The following UTRN variants were observed in gnomAD, a reference collection of about 807,000 sequenced individuals.
UTRN encodes the protein utrophin, also known as dystrophin-related protein 1.
In UTRN, 283 loss-of-function variants were observed where a neutral mutation model predicts 463.9. That is an observed-to-expected ratio of 0.61 (90% CI 0.55 to 0.67). The LOEUF is 0.67. Ranked by LOEUF, UTRN falls within the 30% of genes least tolerant of loss-of-function variation. The pLI is 0.00. For synonymous variants in UTRN, 1,442 were observed against 1,431.5 expected (o/e 1.01, Z -0.17); for missense variants, 3,922 against 4,084.3 (o/e 0.96, Z 1.08).
At chr6:144,502,235 C>T (rs1188329753) in intron 34 of UTRN, among the ~76,000 whole-genome samples, 1 of 150,664 alleles carries the variant, frequency 6.6e-6, no homozygotes, top group Admixed American at 6.6e-5. Flanking sequence ...TAATTATTCA[C>T]TTTTTTTTTC....
At chr6:144,657,145 G>T (rs1446184889) in intron 51 of UTRN, among the ~76,000 whole-genome samples, 1 of 151,894 alleles carries the variant, frequency 6.6e-6, no homozygotes, top group Non-Finnish European at 1.5e-5. Context: ...AGCTACTCGG[G>T]AGGCTGAGGC....
At chr6:144,651,128 A>G (rs1778779782) in intron 51 of UTRN, among the ~76,000 whole-genome samples, 2 of 151,884 alleles carry the variant, frequency 1.3e-5, no homozygotes, top group African/African-American at 4.8e-5. Context: ...TTGCTGTTAA[A>G]CCAACCGAAA....
At chr6:144,582,173 A>G (rs1317772884) in intron 51 of UTRN, among the ~76,000 whole-genome samples, 3 of 152,220 alleles carry the variant, frequency 2.0e-5, no homozygotes. Context: ...TGTAACATGA[A>G]GGACTAAGAA....
intron 64 of UTRN, chr6:144,799,460 G>C (rs1777527847): frequency 2.1e-6 from 1 of 471,522 alleles, no homozygotes. Context: ...ACAAATGTTG[G>C]AAGAAGAAGA....
chr6:144,353,663 A>G (rs1778307961), intron 2 of UTRN, among the ~76,000 whole-genome samples: 1 of 152,164 alleles, frequency 6.6e-6, no homozygotes, highest in African/African-American at 2.4e-5. Flanking sequence ...CCTGGCCAAC[A>G]TGGCAAAACC....
chr6:144,509,774 TA>T (rs1795022501), intron 34 of UTRN, among the ~76,000 whole-genome samples: 1 of 152,166 alleles, frequency 6.6e-6, no homozygotes, highest in African/African-American at 2.4e-5. Context: ...AACTTAAATA[TA>T]ACTATTTTCA....
intron 69 of UTRN, among the ~76,000 whole-genome samples, chr6:144,833,099 C>T (rs540704727): frequency 5.5e-4 from 84 of 152,304 alleles, no homozygotes; most frequent in African/African-American, 1.8e-3. Flanking sequence ...GGATTACAGG[C>T]GTGAGCCACC....
rs1352156746 is a variant in UTRN, at chr6:144,426,468, TTACTC to T, written c.578+12_578+16del. On this transcript the variant is annotated intron_variant, in intron 7 of 74. Transcript: ENST00000367545. ...GTCCTCCACCGACATAAGTGAGACA[TTACTC>T]TATCTAGAAGTGGGCTTTACAAATT... 29 of 1,612,152 alleles carry T rather than the reference TTACTC, an allele frequency of 1.8e-5. No homozygotes were observed. The highest frequency in any genetic ancestry group is 2.4e-5 in the Non-Finnish European group (28 of 1,179,140).
At chr6:144,699,486 T>TTG (rs1784365323) in intron 52 of UTRN, among the ~76,000 whole-genome samples, 2 of 136,498 alleles carry the variant, frequency 1.5e-5, no homozygotes, top group South Asian at 4.5e-4. Flanking sequence ...TTTTTTTTTT[T>TTG]TTTTTTTTTT....
intron 23 of UTRN, among the ~76,000 whole-genome samples, chr6:144,463,513 C>T (rs747711615): frequency 6.6e-6 from 1 of 152,014 alleles, no homozygotes; most frequent in African/African-American, 2.4e-5. Context: ...GCAGAGTTTC[C>T]AGGTCACCTG....
chr6:144,546,530 G>A (rs1798420250), intron 46 of UTRN, among the ~76,000 whole-genome samples: 1 of 152,152 alleles, frequency 6.6e-6, no homozygotes, highest in African/African-American at 2.4e-5. Flanking sequence ...GCTGGGCACA[G>A]TGAATCATGT....
chr6:144,610,094 A>G (rs1447505146), intron 51 of UTRN, among the ~76,000 whole-genome samples: 56 of 151,930 alleles, frequency 3.7e-4, no homozygotes, highest in Admixed American at 3.7e-3. Context: ...GCCAAAATAA[A>G]TGGAATACAG....
At chr6:144,425,723 G>T (rs1562379487) in intron 6 of UTRN, among the ~76,000 whole-genome samples, 1 of 152,034 alleles carries the variant, frequency 6.6e-6, no homozygotes, top group Non-Finnish European at 1.5e-5. Flanking sequence ...AGTCATCCTA[G>T]ATTTGGCCAG....
At chr6:144,623,384 AT>A in intron 51 of UTRN, among the ~76,000 whole-genome samples, 1 of 152,330 alleles carries the variant, frequency 6.6e-6, no homozygotes, top group South Asian at 2.1e-4. Context: ...AAAGTGTTTT[AT>A]TTGCAAATGA....
chr6:144,614,014 A>C (rs1191551480), intron 51 of UTRN, among the ~76,000 whole-genome samples: 2 of 152,108 alleles, frequency 1.3e-5, no homozygotes, highest in African/African-American at 2.4e-5. Context: ...GACTGTGGGA[A>C]AGAATGATTC....
intron 2 of UTRN, among the ~76,000 whole-genome samples, chr6:144,304,740 A>G (rs1805558911): frequency 6.6e-6 from 1 of 152,186 alleles, no homozygotes; most frequent in African/African-American, 2.4e-5. Context: ...GTTATAAGCC[A>G]TCTTTAGGAG....
At chr6:144,717,616 CT>C (rs1279333179) in intron 53 of UTRN, among the ~76,000 whole-genome samples, 9 of 133,770 alleles carry the variant, frequency 6.7e-5, no homozygotes, top group African/African-American at 2.7e-4. Flanking sequence ...TTTTCTTTTT[CT>C]TTTTCTTTTC....
At chr6:144,482,104 G>T in intron 26 of UTRN, 105 bp from the exon 27 acceptor site, 1 of 984,994 alleles carries the variant, frequency 1.0e-6, no homozygotes, top group Non-Finnish European at 1.4e-6. Flanking sequence ...GAATCATCCA[G>T]ATGTTTTAAC....
intron 2 of UTRN, among the ~76,000 whole-genome samples, chr6:144,345,857 G>T (rs933309563): frequency 1.3e-5 from 2 of 152,136 alleles, no homozygotes; most frequent in African/African-American, 4.8e-5. Context: ...ACAGCTAGAA[G>T]AAAAGTACAA....
Sources: gnomAD v4.1 joint callset for allele counts (sites outside exome capture counted in the v4.1 genomes callset) on GRCh38, gnomAD v4.1.1 for gene constraint, MANE v1.5 for transcripts, NCBI Gene and HGNC (gene_info 2026-07-23, HGNC 2026-07-21) for gene names.